ATP8A2: variants seen among roughly 807,000 people sequenced by gnomAD.
The protein encoded by ATP8A2 is ATPase phospholipid transporting 8A2.
ATP8A2 carries 100 observed loss-of-function variants against 165.6 expected under a neutral mutation model. That is an observed-to-expected ratio of 0.60 (90% CI 0.51 to 0.71). The LOEUF is 0.71. ATP8A2 is among the 30% of genes least tolerant of loss of function. ATP8A2 has a pLI of 0.00. For missense variants in ATP8A2, 1,227 were observed against 1,479.5 expected (o/e 0.83, Z 2.80); for synonymous variants, 543 against 548.8 (o/e 0.99, Z 0.15).
At chr13:26,005,704 A>C (rs1288495946) in intron 35 of ATP8A2, among the ~76,000 whole-genome samples, 1 of 152,002 alleles carries the variant, frequency 6.6e-6, no homozygotes, top group Non-Finnish European at 1.5e-5. Flanking sequence ...TGTGGTGGGA[A>C]GGGCCCAATT....
chr13:25,477,776 A>G (rs1165723664), intron 2 of ATP8A2, among the ~76,000 whole-genome samples: 3 of 152,130 alleles, frequency 2.0e-5, no homozygotes, highest in Non-Finnish European at 4.4e-5. Context: ...GTCTCTACTA[A>G]AAACACAAAA....
At chr13:25,972,624 C>T (rs183931814) in intron 35 of ATP8A2, among the ~76,000 whole-genome samples, 8 of 152,274 alleles carry the variant, frequency 5.3e-5, no homozygotes, top group Non-Finnish European at 7.3e-5. Flanking sequence ...GGAACCCCCC[C>T]GCACCGCACA....
intron 33 of ATP8A2, chr13:25,868,182 A>G (rs1486974087): frequency 6.6e-6 from 3 of 454,114 alleles, no homozygotes; most frequent in Non-Finnish European, 8.9e-6. Context: ...ACTTTAGCAT[A>G]TTTAAACTGT....
At chr13:25,991,506 A>C (rs1412402962) in intron 35 of ATP8A2, among the ~76,000 whole-genome samples, 8 of 152,142 alleles carry the variant, frequency 5.3e-5, no homozygotes, top group African/African-American at 1.9e-4. Context: ...CCTACTTTCT[A>C]TTCATTCCTT....
chr13:25,789,012 A>T (rs2045100469), intron 27 of ATP8A2, among the ~76,000 whole-genome samples: 1 of 152,206 alleles, frequency 6.6e-6, no homozygotes, highest in African/African-American at 2.4e-5. Flanking sequence ...TTTAAAACTC[A>T]TGCCCCAGGG....
intron 30 of ATP8A2, among the ~76,000 whole-genome samples, chr13:25,850,379 C>T (rs1951975555): frequency 6.7e-6 from 1 of 149,632 alleles, no homozygotes; most frequent in East Asian, 2.0e-4. Flanking sequence ...ACCGCTGTAG[C>T]CCCACCCCCA....
At chr13:25,474,423 G>A (rs889586544) in intron 2 of ATP8A2, among the ~76,000 whole-genome samples, 8 of 151,948 alleles carry the variant, frequency 5.3e-5, no homozygotes, top group Admixed American at 3.3e-4. Flanking sequence ...TTAGCTGGGC[G>A]TGGTGGTGGG....
In ATP8A2 at chr13:26,012,621, G is replaced by A. The variant is rs1956873514; in HGVS notation, c.3468G>A (p.Pro1156=). ...FRGSSLQQGV[P]HGYAFSQEEH... ...GCAGCTCCCTGCAGCAGGGCGTCCC[G>A]CGTGAGTACCGCGGGCGGGGGCTGA... is the stretch of plus-strand genomic sequence containing the variant. Residue 1156 remains proline (P), a splice_region_variant and synonymous_variant, in exon 36 of 37, where the codon CCG becomes CCA. Transcript: ENST00000381655. 6.7e-7 allele frequency: 1 copy of A among 1,483,346 alleles called. No homozygotes were observed. The highest frequency in any genetic ancestry group is 2.8e-5 in the East Asian group (1 of 35,142). The allele number at this position is 1,483,346 out of a possible 1,614,324, so 91.9% of individuals were successfully genotyped here. A position where few individuals can be genotyped will look rare whatever the true frequency, so the allele number is the denominator to read the frequency against.
At chr13:25,441,417 CAGA>C (rs1229891560) in intron 1 of ATP8A2, among the ~76,000 whole-genome samples, 2 of 152,260 alleles carry the variant, frequency 1.3e-5, no homozygotes, top group East Asian at 3.9e-4. Flanking sequence ...GACTTGAGCA[CAGA>C]AGAACTGACA....
intron 1 of ATP8A2, among the ~76,000 whole-genome samples, chr13:25,412,026 T>C (rs539513603): frequency 1.3e-5 from 2 of 152,312 alleles, no homozygotes; most frequent in African/African-American, 2.4e-5. Context: ...TCTTTTTAGC[T>C]GTAAAGATTT....
In ATP8A2 at chr13:25,853,396, A is replaced by ATATATATATATAT. The variant is rs59573616; in HGVS notation, c.2957-6799_2957-6798insTATATATATATAT. Among the ~76,000 whole-genome samples, 857 of 107,680 alleles carry ATATATATATATAT rather than the reference A, an allele frequency of 8.0e-3. 18 individuals carry two copies. Among genetic ancestry groups the ATATATATATATAT allele is most frequent in the Middle Eastern group, 0.01 (2 of 196 alleles). The allele number at this position is 107,680 out of a possible 152,430, so 70.6% of individuals were successfully genotyped here. A position where few individuals can be genotyped will look rare whatever the true frequency, so the allele number is the denominator to read the frequency against. ...ACAGAGCAAGACTCTATCTAAAAAA[A>ATATATATATATAT]ATATATATATATATGTATATATATA... is the stretch of plus-strand genomic sequence containing the variant. On this transcript the variant is annotated intron_variant, in intron 30 of 36. Coordinates refer to ENST00000381655, the MANE Select transcript of ATP8A2 (RefSeq NM_016529.6).
chr13:25,450,689 G>A (rs933282686), intron 1 of ATP8A2, among the ~76,000 whole-genome samples: 14 of 152,136 alleles, frequency 9.2e-5, no homozygotes, highest in South Asian at 6.2e-4. Context: ...CCGCCACCAT[G>A]CCCGGCTAAT....
chr13:25,619,826 C>A (rs967197249), intron 24 of ATP8A2, among the ~76,000 whole-genome samples: 1 of 152,170 alleles, frequency 6.6e-6, no homozygotes, highest in African/African-American at 2.4e-5. Context: ...TATTGCATAG[C>A]CTTTCCTATT....
intron 24 of ATP8A2, among the ~76,000 whole-genome samples, chr13:25,634,310 TG>T (rs1301048222): frequency 6.6e-6 from 1 of 152,160 alleles, no homozygotes; most frequent in Non-Finnish European, 1.5e-5. Flanking sequence ...TCAAATAAAT[TG>T]GACCCATGAA....
intron 1 of ATP8A2, among the ~76,000 whole-genome samples, chr13:25,389,638 A>G (rs1314199359): frequency 1.3e-5 from 2 of 152,254 alleles, no homozygotes; most frequent in Admixed American, 6.5e-5. Context: ...TACACCGAGT[A>G]GCTTCACTTA....
At chr13:25,878,823 A>C (rs1376713762) in intron 33 of ATP8A2, among the ~76,000 whole-genome samples, 1 of 151,748 alleles carries the variant, frequency 6.6e-6, no homozygotes, top group Non-Finnish European at 1.5e-5. Flanking sequence ...CTCTGTCTCC[A>C]CTCACGTCCA....
rs59128127 is a variant in ATP8A2, at chr13:25,581,581, C to T, written c.2008-238C>T. ...GCCAGATGGCTTCTATTCTAACAAG[C>T]CCCTGTATCAAGAAATCAGTGATGA... On this transcript the variant is annotated intron_variant, in intron 22 of 36. Transcript: ENST00000381655. 6.4e-3 allele frequency among the ~76,000 whole-genome samples: 975 copies of T among 152,230 alleles called. 64 individuals carry two copies. In the East Asian group the frequency reaches 0.14, roughly 22 times the overall value.
At chr13:25,450,440 A>G (rs1033419408) in intron 1 of ATP8A2, among the ~76,000 whole-genome samples, 1 of 152,210 alleles carries the variant, frequency 6.6e-6, no homozygotes, top group African/African-American at 2.4e-5. Flanking sequence ...CACTTCAACC[A>G]GAAGTGTATA....
rs1240808692 is a variant in ATP8A2 at position 25,856,672 on chromosome 13, C to A, written c.2957-3523C>A. ...ACATTAATTACAGAATGTTATGCAA[C>A]CATCACCACTATGTTTTTCCAAAAA... On this transcript the variant is annotated intron_variant, in intron 30 of 36. Transcript: ENST00000381655. Among the ~76,000 whole-genome samples, 3 of 152,286 alleles carry A rather than the reference C, an allele frequency of 2.0e-5. No homozygotes were observed. In the East Asian group the frequency reaches 5.8e-4, roughly 29 times the overall value.
Sources: gnomAD v4.1 joint callset for allele counts (sites outside exome capture counted in the v4.1 genomes callset) on GRCh38, gnomAD v4.1.1 for gene constraint, MANE v1.5 for transcripts, NCBI Gene and HGNC (gene_info 2026-07-23, HGNC 2026-07-21) for gene names.